The following KLHL2 variants were observed in gnomAD, a reference collection of about 807,000 sequenced individuals.
KLHL2 encodes kelch-like protein 2.
A neutral mutation model predicts 75.8 loss-of-function variants in KLHL2; 15 were observed. That is an observed-to-expected ratio of 0.20 (90% CI 0.13 to 0.30). KLHL2 has a LOEUF of 0.30. Ranked by LOEUF, KLHL2 falls within the 10% of genes least tolerant of loss-of-function variation. KLHL2 has a pLI of 1.00. For synonymous variants in KLHL2, 214 were observed against 251.9 expected, an observed-to-expected ratio of 0.85 and a Z score of 1.42; for missense variants, 381 against 741.0, an observed-to-expected ratio of 0.51 and a Z score of 5.64.
chr4:165,219,302 C>T (rs1737797802), intron 1 of KLHL2, among the ~76,000 whole-genome samples: 1 of 152,252 alleles, frequency 6.6e-6, no homozygotes, highest in Non-Finnish European at 1.5e-5. Context: ...CTATTCTCTT[C>T]ATCTGTTAAA....
rs1331810875 is a variant in KLHL2 at position 165,230,545 on chromosome 4, G to C, written c.259+1632G>C. 4.7e-5 allele frequency among the ~76,000 whole-genome samples: 7 copies of C among 149,508 alleles called. No homozygotes were observed. The Admixed American group carries it at 4.7e-4, about 10-fold the overall frequency. The stretch of plus-strand genomic sequence containing the variant: ...CTAAATTTCTTTATATTCTGTACAA[G>C]ATTGGAAAGCTTTAAGCTAGGCTCT... On this transcript the variant is annotated intron_variant, in intron 3 of 14. Coordinates refer to ENST00000226725, the MANE Select transcript of KLHL2 (RefSeq NM_007246.4).
chr4:165,226,403 T>G (rs962519098), intron 2 of KLHL2, among the ~76,000 whole-genome samples: 5 of 152,204 alleles, frequency 3.3e-5, no homozygotes, highest in Non-Finnish European at 7.3e-5. Flanking sequence ...CTCTTACTTG[T>G]TTTTAGAACT....
intron 5 of KLHL2, chr4:165,277,864 A>G (rs1241973591): frequency 8.9e-6 from 7 of 789,990 alleles, no homozygotes; most frequent in African/African-American, 8.4e-5. Context: ...TCACGCAGCA[A>G]GTGGCTTATA....
intron 1 of KLHL2, among the ~76,000 whole-genome samples, chr4:165,215,172 A>G (rs1737456974): frequency 6.6e-6 from 1 of 152,188 alleles, no homozygotes; most frequent in Non-Finnish European, 1.5e-5. Flanking sequence ...GCTAACTGCA[A>G]AAATTGAAAT....
At chr4:165,260,149 TTTTGAAGCTGTATATAATTAATTACA>T (rs1345426579) in intron 4 of KLHL2, among the ~76,000 whole-genome samples, 1 of 152,288 alleles carries the variant, frequency 6.6e-6, no homozygotes, top group Admixed American at 6.5e-5. Context: ...TAGTAATTGC[TTTTGAAGCTGTATATAATTAATTACA>T]TAATTATGAG....
chr4:165,278,008 T>A, intron 5 of KLHL2: 1 of 1,450,608 alleles, frequency 6.9e-7, no homozygotes, highest in Non-Finnish European at 9.7e-7. Context: ...AGATGTACCT[T>A]GCTCCGATTA....
At chr4:165,289,298 C>T (rs1744324866) in intron 5 of KLHL2, among the ~76,000 whole-genome samples, 2 of 152,098 alleles carry the variant, frequency 1.3e-5, no homozygotes, top group African/African-American at 2.4e-5. Flanking sequence ...TATATGTTAA[C>T]CACATCCTTT....
At chr4:165,303,593 C>T (rs1032555833) in intron 8 of KLHL2, among the ~76,000 whole-genome samples, 52 of 150,188 alleles carry the variant, frequency 3.5e-4, no homozygotes, top group Non-Finnish European at 3.3e-4. Flanking sequence ...GATAGAGTGT[C>T]GCTCTTTCGC....
intron 5 of KLHL2, chr4:165,278,430 C>G: frequency 6.8e-7 from 1 of 1,480,608 alleles, no homozygotes; most frequent in Non-Finnish European, 9.5e-7. Context: ...TCCAAAATCT[C>G]TCGAGTTTGG....
At chr4:165,293,791 T>C (rs531013522) in intron 5 of KLHL2, among the ~76,000 whole-genome samples, 64 of 151,924 alleles carry the variant, frequency 4.2e-4, no homozygotes, top group East Asian at 1.4e-3. Context: ...GCTGGGATTA[T>C]AGGCATGAGC....
chr4:165,307,063 G>A (rs1745787446), intron 9 of KLHL2, among the ~76,000 whole-genome samples: 1 of 152,084 alleles, frequency 6.6e-6, no homozygotes, highest in Non-Finnish European at 1.5e-5. Flanking sequence ...TAATCCCAGC[G>A]CTTTGGGAGG....
At chr4:165,309,961 A>G (rs999303104) in intron 9 of KLHL2, among the ~76,000 whole-genome samples, 4 of 146,192 alleles carry the variant, frequency 2.7e-5, no homozygotes, top group African/African-American at 9.8e-5. Context: ...ATAATGGCTC[A>G]TTATTTAAGC....
At chr4:165,303,341 C>G (rs781647770) in intron 8 of KLHL2, among the ~76,000 whole-genome samples, 5 of 151,938 alleles carry the variant, frequency 3.3e-5, no homozygotes, top group Non-Finnish European at 7.4e-5. Flanking sequence ...AAAATGTTCC[C>G]TTCTGAAATT....
intron 14 of KLHL2, 133 bp from the exon 15 acceptor site, chr4:165,321,899 T>G (rs1747011298): frequency 3.7e-6 from 3 of 819,478 alleles, no homozygotes; most frequent in Non-Finnish European, 6.1e-6. Flanking sequence ...TACTAAAGTT[T>G]AAGAAAGAGA....
chr4:165,219,782 T>G, intron 1 of KLHL2, 152 bp from the exon 2 acceptor site: 2 of 1,363,872 alleles, frequency 1.5e-6, no homozygotes, highest in Non-Finnish European at 1.9e-6. Flanking sequence ...CTTAATTGTC[T>G]TAACCTTACA....
chr4:165,233,899 A>G (rs1041951728), intron 3 of KLHL2, among the ~76,000 whole-genome samples: 19 of 152,250 alleles, frequency 1.2e-4, no homozygotes, highest in African/African-American at 3.9e-4. Flanking sequence ...CAGGCTGGGC[A>G]CCAGACATGA....
At position 165,294,483 on chromosome 4, in the gene KLHL2, C is replaced by A; in HGVS notation, c.654+15C>A. ...CAGAAGAGAAGGTAAGGATATTTTT[C>A]TTTTCCCAGTGTGCAATGATGTTTC... On this transcript the variant is annotated intron_variant, in intron 6 of 14. Transcript: ENST00000226725. 3 of 1,402,826 alleles carry A rather than the reference C, an allele frequency of 2.1e-6. No individual in the cohort carries two copies. The highest frequency in any genetic ancestry group is 3.0e-6 in the Non-Finnish European group (3 of 999,710). The allele number at this position is 1,402,826 out of a possible 1,614,324, so 86.9% of individuals were successfully genotyped here. A position where few individuals can be genotyped will look rare whatever the true frequency, so the allele number is the denominator to read the frequency against.
intron 5 of KLHL2, among the ~76,000 whole-genome samples, chr4:165,268,137 G>T (rs1323518677): frequency 1.3e-5 from 2 of 152,052 alleles, no homozygotes; most frequent in African/African-American, 4.8e-5. Flanking sequence ...AGTTTGTATT[G>T]CTGTGGGATT....
chr4:165,292,634 A>G (rs1744605688), intron 5 of KLHL2, among the ~76,000 whole-genome samples: 1 of 152,108 alleles, frequency 6.6e-6, no homozygotes, highest in South Asian at 2.1e-4. Context: ...TGCCCTGCCA[A>G]CCTTTTGTAA....
Sources: gnomAD v4.1 joint callset for allele counts (sites outside exome capture counted in the v4.1 genomes callset) on GRCh38, gnomAD v4.1.1 for gene constraint, MANE v1.5 for transcripts, NCBI Gene and HGNC (gene_info 2026-07-23, HGNC 2026-07-21) for gene names.